TTC9: variants seen among roughly 807,000 people sequenced by gnomAD.
TTC9 encodes tetratricopeptide repeat domain 9.
In TTC9, 13 loss-of-function variants were observed where a neutral mutation model predicts 22.9. The observed-to-expected ratio is 0.57, with a 90% confidence interval of 0.37 to 0.90. TTC9 has a LOEUF of 0.90. TTC9 is among the 40% of genes least tolerant of loss of function. The pLI, the probability that TTC9 is intolerant of heterozygous loss-of-function variation, is 0.01. For synonymous variants in TTC9, 148 were observed against 133.2 expected, an observed-to-expected ratio of 1.11 and a Z score of -0.77; for missense variants, 280 against 291.8, an observed-to-expected ratio of 0.96 and a Z score of 0.29.
chr14:70,645,736 C>T (rs984966536), intron 1 of TTC9, among the ~76,000 whole-genome samples: 2 of 152,194 alleles, frequency 1.3e-5, no homozygotes, highest in African/African-American at 4.8e-5. Context: ...GTCTGCAGCA[C>T]CAGCTGAGTA....
Position 70,674,630 on chromosome 14 carries a change from G to A in TTC9, c.*3475G>A, listed in dbSNP as rs971953682. 4.6e-5 allele frequency: 7 copies of A among 152,164 alleles called. No individual in the cohort carries two copies. Among genetic ancestry groups the A allele is most frequent in the African/African-American group, 1.7e-4 (7 of 41,428 alleles). 9.4% of individuals were successfully genotyped at this position (152,164 alleles called of 1,614,324 possible). A position where few individuals can be genotyped will look rare whatever the true frequency, so the allele number is the denominator to read the frequency against. ...TCCCTCTAATTTATTTTGCATCCTAGTGGAGATGCTTACACATTGTCAAAC... is the reference window on the plus strand; with the variant it reads ...TCCCTCTAATTTATTTTGCATCCTAATGGAGATGCTTACACATTGTCAAAC... On this transcript the variant is annotated 3_prime_UTR_variant, in exon 3 of 3. Transcript: ENST00000256367.
intron 1 of TTC9, among the ~76,000 whole-genome samples, chr14:70,660,045 C>T (rs61558276): frequency 0.022 from 3,315 of 152,312 alleles, 116 homozygotes; most frequent in African/African-American, 0.076. Context: ...CCTGCTCTTC[C>T]TCTTATTCCC....
intron 1 of TTC9, among the ~76,000 whole-genome samples, chr14:70,666,749 A>G (rs1378022609): frequency 6.6e-6 from 1 of 152,234 alleles, no homozygotes; most frequent in Non-Finnish European, 1.5e-5. Context: ...AAACAGTAAT[A>G]GTACCCACAT....
At chr14:70,656,806 T>C (rs1886073638) in intron 1 of TTC9, among the ~76,000 whole-genome samples, 1 of 152,198 alleles carries the variant, frequency 6.6e-6, no homozygotes, top group South Asian at 2.1e-4. Context: ...AAATGGCCAA[T>C]CTGGCCACTC....
intron 1 of TTC9, among the ~76,000 whole-genome samples, chr14:70,658,427 C>A (rs1886096383): frequency 6.6e-6 from 1 of 152,136 alleles, no homozygotes; most frequent in Non-Finnish European, 1.5e-5. Context: ...GAGAATGTAG[C>A]TATGAAAAAT....
Position 70,673,371 on chromosome 14 carries a change from G to A in TTC9, c.*2216G>A, listed in dbSNP as rs1002559325. On this transcript the variant is annotated 3_prime_UTR_variant, in exon 3 of 3. Coordinates refer to ENST00000256367, the MANE Select transcript of TTC9 (RefSeq NM_015351.2). ...CAACGGGGGCTACAGGAAGGTGCTA[G>A]AAATATTGAGGGGCCTGCCATTACT... The A allele has an allele frequency of 1.3e-5, 2 of 152,248 alleles. No homozygotes were observed. Among genetic ancestry groups the A allele is most frequent in the African/African-American group, 4.8e-5 (2 of 41,446 alleles). The allele number at this position is 152,248 out of a possible 1,614,324, so 9.4% of individuals were successfully genotyped here.
intron 1 of TTC9, among the ~76,000 whole-genome samples, chr14:70,646,308 C>T (rs1437523547): frequency 2.0e-5 from 3 of 152,164 alleles, no homozygotes; most frequent in Non-Finnish European, 4.4e-5. Context: ...CCTGGGGAGA[C>T]ATAGGAATCT....
chr14:70,670,660 C>CA (rs1277149694), intron 2 of TTC9, among the ~76,000 whole-genome samples: 9 of 134,782 alleles, frequency 6.7e-5, no homozygotes, highest in Admixed American at 1.4e-4. Context: ...AAAAAACAAA[C>CA]AAACAAAAAA....
At chr14:70,659,132 GCACACACACA>G (rs71105721) in intron 1 of TTC9, among the ~76,000 whole-genome samples, 5 of 144,224 alleles carry the variant, frequency 3.5e-5, no homozygotes, top group African/African-American at 5.2e-5. Flanking sequence ...ACACACACAC[GCACACACACA>G]CACACACACA....
At chr14:70,660,462 A>C (rs1273673977) in intron 1 of TTC9, among the ~76,000 whole-genome samples, 1 of 152,256 alleles carries the variant, frequency 6.6e-6, no homozygotes, top group Non-Finnish European at 1.5e-5. Context: ...ATATTTGATA[A>C]GTGACTTTCT....
chr14:70,670,930 C>T, intron 2 of TTC9, 146 bp from the exon 3 acceptor site: 1 of 655,012 alleles, frequency 1.5e-6, no homozygotes, highest in African/African-American at 1.8e-5. Context: ...TAGTTGCCCT[C>T]TCAGCCACCA....
chr14:70,663,406 G>A (rs1275827537), intron 1 of TTC9, among the ~76,000 whole-genome samples: 1 of 152,220 alleles, frequency 6.6e-6, no homozygotes, highest in Admixed American at 6.5e-5. Context: ...GTGGCATGTA[G>A]TGAGAAGAGG....
chr14:70,672,429 A>G lies in TTC9; in HGVS notation c.*1274A>G, dbSNP rs1290869597. ...TGCTATGCCATGTTGCTTCAGTCAA[A>G]CAAGAAACACTTACTGAGGGCATAT... On this transcript the variant is annotated 3_prime_UTR_variant, in exon 3 of 3. Coordinates refer to ENST00000256367, the MANE Select transcript of TTC9 (RefSeq NM_015351.2). 6.6e-6 allele frequency: 1 copy of G among 152,226 alleles called. No homozygotes were observed. The highest frequency in any genetic ancestry group is 2.4e-5 in the African/African-American group (1 of 41,452). 9.4% of individuals were successfully genotyped at this position (152,226 alleles called of 1,614,324 possible). A position where few individuals can be genotyped will look rare whatever the true frequency, so the allele number is the denominator to read the frequency against.
chr14:70,642,183 G>A lies in TTC9; in HGVS notation c.54G>A (p.Ala18=). ...AGAKGNPSPP[A]AGEGQRPPPP... ...CCAAGGGGAACCCGAGCCCGCCCGC[G>A]GCCGGAGAGGGGCAGCGGCCACCGC... Residue 18 remains alanine (A), a synonymous_variant, in exon 1 of 3, where the codon GCG becomes GCA. Coordinates refer to ENST00000256367, the MANE Select transcript of TTC9 (RefSeq NM_015351.2). 4 of 1,213,488 alleles carry A rather than the reference G, an allele frequency of 3.3e-6. No homozygotes were observed. Among genetic ancestry groups the A allele is most frequent in the Non-Finnish European group, 4.1e-6 (4 of 969,706 alleles). 75.2% of individuals were successfully genotyped at this position (1,213,488 alleles called of 1,614,324 possible).
At chr14:70,643,512 G>A (rs1331322143) in intron 1 of TTC9, among the ~76,000 whole-genome samples, 1 of 152,286 alleles carries the variant, frequency 6.6e-6, no homozygotes, top group East Asian at 1.9e-4. Flanking sequence ...TGAGATTCTG[G>A]CATGGTCAAC....
chr14:70,644,490 GT>G (rs1480523794), intron 1 of TTC9, among the ~76,000 whole-genome samples: 1 of 152,146 alleles, frequency 6.6e-6, no homozygotes, highest in Admixed American at 6.5e-5. Flanking sequence ...ATGATCATCA[GT>G]TTTGCAGAGA....
rs1885819876 is a variant in TTC9 at position 70,642,107 on chromosome 14, C to T, written c.-23C>T. On this transcript the variant is annotated 5_prime_UTR_variant, in exon 1 of 3. Coordinates refer to ENST00000256367, the MANE Select transcript of TTC9 (RefSeq NM_015351.2). ...GGCGGCGGGCAGATCGCGGCGCGCA[C>T]CAGGCGCCGGGGCGGCGGCCGAATG... 9.2e-7 allele frequency: 1 copy of T among 1,090,042 alleles called. No homozygotes were observed. Among genetic ancestry groups the T allele is most frequent in the Non-Finnish European group, 1.1e-6 (1 of 898,644 alleles). 67.5% of individuals were successfully genotyped at this position (1,090,042 alleles called of 1,614,324 possible).
At chr14:70,665,276 A>G (rs1886198930) in intron 1 of TTC9, among the ~76,000 whole-genome samples, 3 of 152,104 alleles carry the variant, frequency 2.0e-5, no homozygotes. Context: ...TAGCTCTGGG[A>G]GCAGGTGCTG....
intron 1 of TTC9, among the ~76,000 whole-genome samples, chr14:70,658,091 C>T (rs1252826265): frequency 6.6e-6 from 1 of 152,226 alleles, no homozygotes; most frequent in Non-Finnish European, 1.5e-5. Context: ...TCCACCATTA[C>T]CACCAGCTCT....
Sources: gnomAD v4.1 joint callset for allele counts (sites outside exome capture counted in the v4.1 genomes callset) on GRCh38, gnomAD v4.1.1 for gene constraint, MANE v1.5 for transcripts, NCBI Gene and HGNC (gene_info 2026-07-23, HGNC 2026-07-21) for gene names.